TOMM34: variants seen among roughly 807,000 people sequenced by gnomAD.
TOMM34 encodes translocase of outer mitochondrial membrane 34, also known as mitochondrial import receptor subunit TOM34.
Under a neutral mutation model 37.4 loss-of-function variants are expected in TOMM34, and 24 were observed. The observed-to-expected ratio is 0.64, with a 90% CI of 0.46 to 0.90. The LOEUF (loss-of-function observed/expected upper bound fraction) is 0.90. Among genes scored for constraint, TOMM34 ranks in the 40% least tolerant of loss-of-function variants. The pLI is 0.00. For synonymous variants in TOMM34, 154 were observed against 148.9 expected, an observed-to-expected ratio of 1.03 and a Z score of -0.25; for missense variants, 304 against 375.6, an observed-to-expected ratio of 0.81 and a Z score of 1.58.
At position 44,943,003 on chromosome 20, in the gene TOMM34, A is replaced by C; in HGVS notation, c.*106T>G. On this transcript the variant is annotated 3_prime_UTR_variant, in exon 7 of 7. Transcript: ENST00000372813. ...ATCAAGGGATTGAGGAGGGGGCTTC[A>C]GAGCTCACTTGGGGCATGCTGGGTT... 7.7e-6 allele frequency: 8 copies of C among 1,045,502 alleles called. No individual in the cohort carries two copies. The highest frequency in any genetic ancestry group is 1.4e-5 in the South Asian group (1 of 72,976). 64.8% of individuals were successfully genotyped at this position (1,045,502 alleles called of 1,614,324 possible).
rs2066943536 is a variant in TOMM34, at chr20:44,942,482, A to T, written c.*627T>A. 6.5e-6 allele frequency: 1 copy of T among 153,290 alleles called. No individual in the cohort carries two copies. The highest frequency in any genetic ancestry group is 2.1e-4 in the South Asian group (1 of 4,842). 9.5% of individuals were successfully genotyped at this position (153,290 alleles called of 1,614,324 possible). A position where few individuals can be genotyped will look rare whatever the true frequency, so the allele number is the denominator to read the frequency against. On this transcript the variant is annotated 3_prime_UTR_variant, in exon 7 of 7. Transcript: ENST00000372813. ...CTCTCTGCAGAAGGCAGCAGCACAG[A>T]GTCAAGGACAACCATTCAAGGGTCA...
chr20:44,960,203 G>A lies in TOMM34; in HGVS notation c.127+4C>T, dbSNP rs893793986. 21 of 1,556,468 alleles carry A rather than the reference G, an allele frequency of 1.3e-5. No individual in the cohort carries two copies. Among genetic ancestry groups the A allele is most frequent in the Non-Finnish European group, 1.6e-5 (18 of 1,151,472 alleles). The stretch of plus-strand genomic sequence containing the variant: ...CGGAGGTGAGATGGGGGCCGGGGTC[G>A]TACCTTGCGCCTGCAGCACCCGCAG... On this transcript the variant is annotated splice_donor_region_variant and intron_variant, in intron 1 of 6. Coordinates refer to ENST00000372813, the MANE Select transcript of TOMM34 (RefSeq NM_006809.5).
intron 2 of TOMM34, among the ~76,000 whole-genome samples, chr20:44,955,891 A>C (rs2067067685): frequency 6.6e-6 from 1 of 152,236 alleles, no homozygotes; most frequent in African/African-American, 2.4e-5. Flanking sequence ...TGATAAAAGA[A>C]TATTAGACTG....
At chr20:44,957,305 G>A (rs1040788981) in intron 1 of TOMM34, among the ~76,000 whole-genome samples, 1 of 152,030 alleles carries the variant, frequency 6.6e-6, no homozygotes, top group Non-Finnish European at 1.5e-5. Context: ...TCCTGCCTCA[G>A]CCTCAGCCTC....
At chr20:44,951,345 A>C (rs546230752) in intron 4 of TOMM34, among the ~76,000 whole-genome samples, 7 of 152,346 alleles carry the variant, frequency 4.6e-5, no homozygotes, top group Admixed American at 3.3e-4. Context: ...AAGCTGACGC[A>C]CAACAGAAAA....
chr20:44,956,913 C>G (rs1358514098), intron 1 of TOMM34, among the ~76,000 whole-genome samples: 1 of 148,056 alleles, frequency 6.8e-6, no homozygotes, highest in Non-Finnish European at 1.5e-5. Flanking sequence ...AGGGAGGGAA[C>G]AAGATGATAA....
chr20:44,955,432 T>A, intron 2 of TOMM34: 1 of 673,650 alleles, frequency 1.5e-6, no homozygotes, highest in Admixed American at 2.2e-5. Flanking sequence ...ACATGAATTT[T>A]GTTAAATGTG....
rs1026513465 is a variant in TOMM34, at chr20:44,942,326, A to G, written c.*783T>C. On this transcript the variant is annotated 3_prime_UTR_variant, in exon 7 of 7. Coordinates refer to ENST00000372813, the MANE Select transcript of TOMM34 (RefSeq NM_006809.5). ...TACAAAGAACTATGAAGCCCGGAGA[A>G]GGCCACTGTTGGAACAAAAAACCAA... The G allele has an allele frequency of 6.6e-6, 1 of 152,250 alleles. No homozygotes were observed. The highest frequency in any genetic ancestry group is 2.4e-5 in the African/African-American group (1 of 41,468). The allele number at this position is 152,250 out of a possible 1,614,324, so 9.4% of individuals were successfully genotyped here. A position where few individuals can be genotyped will look rare whatever the true frequency, so the allele number is the denominator to read the frequency against.
intron 2 of TOMM34, chr20:44,955,696 T>C (rs374179551): frequency 4.4e-6 from 2 of 454,866 alleles, no homozygotes; most frequent in South Asian, 3.1e-5. Context: ...CCCCACAGAT[T>C]GGTTGTGAAC....
Position 44,952,030 on chromosome 20 carries a change from G to A in TOMM34, c.381-28C>T, listed in dbSNP as rs544030260. The A allele has an allele frequency of 1.2e-4, 194 of 1,592,396 alleles. No homozygotes were observed. In the South Asian group the frequency reaches 1.8e-3, roughly 15 times the overall value. On this transcript the variant is annotated intron_variant, in intron 3 of 6. Transcript: ENST00000372813. ...GGAAAAGAAGGCAGGATTGCAGGGA[G>A]GTTTCCAGCTGGGTCAAGAAGATAT...
In TOMM34 at chr20:44,959,622, G is replaced by C. The variant is rs376009230; in HGVS notation, c.127+585C>G. Among the ~76,000 whole-genome samples the C allele has an allele frequency of 1.9e-4, 29 of 152,200 alleles. No individual in the cohort carries two copies. The South Asian group carries it at 5.6e-3, about 30-fold the overall frequency. On this transcript the variant is annotated intron_variant, in intron 1 of 6. Transcript: ENST00000372813. ...ACCATGTTTATATCGTCTTGGAGGG[G>C]GGGCCTTTCTCATTGCAGTTCACTT...
intron 6 of TOMM34, 27 bp downstream of exon 6, chr20:44,943,426 G>A (rs1333886759): frequency 1.2e-6 from 2 of 1,614,052 alleles, no homozygotes; most frequent in Non-Finnish European, 1.7e-6. Flanking sequence ...GCTATGTTGG[G>A]ACCTTTTGGC....
In TOMM34 at chr20:44,951,995, T is replaced by G; in HGVS notation, c.388A>C (p.Arg130=). The G allele has an allele frequency of 6.2e-7, 1 of 1,603,190 alleles. No individual in the cohort carries two copies. Among genetic ancestry groups the G allele is most frequent in the Non-Finnish European group, 8.5e-7 (1 of 1,175,872 alleles). Residue 130 remains arginine (R), a synonymous_variant, in exon 4 of 7, where the codon AGA becomes CGA. Coordinates refer to ENST00000372813, the MANE Select transcript of TOMM34 (RefSeq NM_006809.5). ...GGCCCAAGCGAGTCCATGAGAGCTCTGGTCATTCTGGAAAAGAAGGCAGGA... is the reference window on the plus strand; with the variant it reads ...GGCCCAAGCGAGTCCATGAGAGCTCGGGTCATTCTGGAAAAGAAGGCAGGA... The part of the protein sequence containing the change: ...SAVEGINRMT[R]ALMDSLGPEW...
chr20:44,960,138 G>C (rs908873051), intron 1 of TOMM34, 69 bp downstream of exon 1: 1 of 1,493,876 alleles, frequency 6.7e-7, no homozygotes, highest in Non-Finnish European at 8.9e-7. Flanking sequence ...GCCGCCGCGC[G>C]AGGCCCGGGC....
chr20:44,955,108 TC>T lies in TOMM34; in HGVS notation c.339del (p.Ile114LeufsTer5), dbSNP rs1347273030. On this transcript the variant is annotated frameshift_variant, in exon 3 of 7. Coordinates refer to ENST00000372813, the MANE Select transcript of TOMM34 (RefSeq NM_006809.5). LOFTEE classifies it high-confidence loss of function. ...MAYVDYKTVL[Q>X]IDDNVTSAVE... ...ACGGCTGACGTCACATTATCATCAA[TC>T]TGCAGCACAGTCTTATAGTCAACAT... is the stretch of plus-strand genomic sequence containing the variant. The T allele has an allele frequency of 1.2e-6, 2 of 1,614,162 alleles. No individual in the cohort carries two copies. Among genetic ancestry groups the T allele is most frequent in the Non-Finnish European group, 8.5e-7 (1 of 1,180,016 alleles).
intron 5 of TOMM34, 90 bp downstream of exon 5, chr20:44,948,640 G>A: frequency 1.3e-6 from 2 of 1,498,666 alleles, no homozygotes; most frequent in Non-Finnish European, 1.8e-6. Flanking sequence ...TTGACTAAAT[G>A]CTAGGGATGA....
chr20:44,959,879 G>A (rs1166881237), intron 1 of TOMM34: 1 of 974,574 alleles, frequency 1.0e-6, no homozygotes, highest in East Asian at 1.1e-4. Context: ...TGAGAGAAGG[G>A]ACTTTTTGTG....
chr20:44,943,010 A>T lies in TOMM34; in HGVS notation c.*99T>A. 8.6e-7 allele frequency: 1 copy of T among 1,160,636 alleles called. No individual in the cohort carries two copies. Among genetic ancestry groups the T allele is most frequent in the Non-Finnish European group, 1.3e-6 (1 of 779,822 alleles). The allele number at this position is 1,160,636 out of a possible 1,614,324, so 71.9% of individuals were successfully genotyped here. ...GATTGAGGAGGGGGCTTCAGAGCTCACTTGGGGCATGCTGGGTTTCAGGAG... is the reference window on the plus strand; with the variant it reads ...GATTGAGGAGGGGGCTTCAGAGCTCTCTTGGGGCATGCTGGGTTTCAGGAG... On this transcript the variant is annotated 3_prime_UTR_variant, in exon 7 of 7. Transcript: ENST00000372813.
At chr20:44,953,277 C>T (rs1032697163) in intron 3 of TOMM34, among the ~76,000 whole-genome samples, 4 of 152,246 alleles carry the variant, frequency 2.6e-5, no homozygotes, top group Admixed American at 1.3e-4. Flanking sequence ...CCCTCTGGCT[C>T]CTGATCCCAC....
Sources: gnomAD v4.1 joint callset for allele counts (sites outside exome capture counted in the v4.1 genomes callset) on GRCh38, gnomAD v4.1.1 for gene constraint, MANE v1.5 for transcripts, NCBI Gene and HGNC (gene_info 2026-07-23, HGNC 2026-07-21) for gene names.